ACSL1: variants seen among roughly 807,000 people sequenced by gnomAD.
The protein encoded by ACSL1 is acyl-CoA synthetase long chain family member 1, also known as long-chain-fatty-acid--CoA ligase 1.
A neutral mutation model predicts 98.4 loss-of-function variants in ACSL1; 41 were observed. The observed-to-expected ratio is 0.42, with a 90% CI of 0.32 to 0.54. The LOEUF is 0.54. Among genes scored for constraint, ACSL1 ranks in the 20% least tolerant of loss-of-function variants. ACSL1 has a pLI of 0.13. For missense variants in ACSL1, 734 were observed against 883.1 expected (o/e 0.83, Z 2.14); for synonymous variants, 316 against 322.7 (o/e 0.98, Z 0.22).
chr4:184,801,644 G>A (rs1279077642), intron 2 of ACSL1, among the ~76,000 whole-genome samples: 2 of 152,144 alleles, frequency 1.3e-5, no homozygotes, highest in Non-Finnish European at 2.9e-5. Flanking sequence ...AAAAGGCAAA[G>A]CAAGCTCAGT....
chr4:184,797,784 G>C (rs1769703436), intron 2 of ACSL1, among the ~76,000 whole-genome samples: 1 of 152,218 alleles, frequency 6.6e-6, no homozygotes, highest in South Asian at 2.1e-4. Context: ...TGCTGGCCTG[G>C]AGCTCCCTGA....
Position 184,757,243 on chromosome 4 carries a change from G to C in ACSL1, c.1979C>G (p.Pro660Arg). 6.2e-7 allele frequency: 1 copy of C among 1,603,928 alleles called. No homozygotes were observed. Among genetic ancestry groups the C allele is most frequent in the Non-Finnish European group, 8.5e-7 (1 of 1,171,856 alleles). ...FEQVKGITLHPELFSIDNGLL... is the reference protein window; with the variant it reads ...FEQVKGITLHRELFSIDNGLL... ...GCCATTGTCGATAGAAAATAATTCA[G>C]GGTGCAATGTGATGCCTTTGACCTG... The change falls in exon 21 of 21, where the codon CCT (proline) becomes CGT (arginine). Residue 660 changes from proline (P) to arginine (R), a missense_variant. Physicochemically the swap from Pro to Arg is moderately radical, Grantham distance 103. Transcript: ENST00000281455. This position sits in a 1 kb window ranked among gnomAD's most constrained non-coding sequence, Gnocchi z 4.5.
chr4:184,824,837 A>T (rs1287563621), intron 1 of ACSL1, among the ~76,000 whole-genome samples: 3 of 148,864 alleles, frequency 2.0e-5, no homozygotes, highest in Non-Finnish European at 4.4e-5. Context: ...AAAGAAAAAA[A>T]AGAAAGAAAC....
Position 184,766,007 on chromosome 4 carries a change from G to A in ACSL1, c.1264-21C>T, listed in dbSNP as rs1465849424. 6.2e-7 allele frequency: 1 copy of A among 1,612,250 alleles called. No homozygotes were observed. Among genetic ancestry groups the A allele is most frequent in the Non-Finnish European group, 8.5e-7 (1 of 1,179,044 alleles). On this transcript the variant is annotated intron_variant, in intron 13 of 20. Transcript: ENST00000281455. This position sits in a 1 kb window ranked among gnomAD's most constrained non-coding sequence, Gnocchi z 4.8. ...CTCGACTTTCAGGGAGGGAGAGTGGGAGAAGGTGAGGGTTACACACCTGGA... is the reference window on the plus strand; with the variant it reads ...CTCGACTTTCAGGGAGGGAGAGTGGAAGAAGGTGAGGGTTACACACCTGGA...
Position 184,774,717 on chromosome 4 carries a change from C to T in ACSL1, c.757-842G>A, listed in dbSNP as rs904178309. Reference sequence around the variant, plus strand: ...TATGGAATGAACATGCCATTGAACACGCCATTGAACATGTTCAATTCACGT... The same window carrying T: ...TATGGAATGAACATGCCATTGAACATGCCATTGAACATGTTCAATTCACGT... On this transcript the variant is annotated intron_variant, in intron 7 of 20. Transcript: ENST00000281455. 3.3e-5 allele frequency among the ~76,000 whole-genome samples: 5 copies of T among 152,106 alleles called. 1 individual carries two copies. In the South Asian group the frequency reaches 6.2e-4, roughly 19 times the overall value.
chr4:184,802,366 G>T (rs188979864), intron 2 of ACSL1, among the ~76,000 whole-genome samples: 8 of 152,202 alleles, frequency 5.3e-5, no homozygotes, highest in African/African-American at 1.2e-4. Context: ...GTCAGCCCGG[G>T]GGGGTGGGGG....
intron 15 of ACSL1, among the ~76,000 whole-genome samples, chr4:184,764,557 C>T (rs1328932240): frequency 6.6e-6 from 1 of 152,166 alleles, no homozygotes; most frequent in Non-Finnish European, 1.5e-5. Flanking sequence ...TTGGGCCAGA[C>T]ACTCTCAATC....
chr4:184,758,036 T>C (rs1762348362), intron 18 of ACSL1, 116 bp from the exon 19 acceptor site: 2 of 1,009,966 alleles, frequency 2.0e-6, no homozygotes, highest in Non-Finnish European at 3.0e-6. Flanking sequence ...TTATGGCTCA[T>C]CTATTCAGAA....
chr4:184,808,594 C>T (rs1398823498), intron 1 of ACSL1: 2 of 771,608 alleles, frequency 2.6e-6, no homozygotes, highest in Non-Finnish European at 3.2e-6. Context: ...TGAAAGCGCC[C>T]CCTTTGTCAT....
intron 2 of ACSL1, among the ~76,000 whole-genome samples, chr4:184,790,725 T>C (rs530058824): frequency 6.6e-6 from 1 of 152,378 alleles, no homozygotes; most frequent in Non-Finnish European, 1.5e-5. Flanking sequence ...CTTCCAGGGT[T>C]ATTTTTTGTT....
intron 2 of ACSL1, among the ~76,000 whole-genome samples, chr4:184,800,475 T>TA: frequency 6.6e-6 from 1 of 152,194 alleles, no homozygotes; most frequent in Admixed American, 6.5e-5. Flanking sequence ...GAGAAGAGGC[T>TA]AAAACATGTA....
chr4:184,807,919 G>A (rs929059362), intron 1 of ACSL1, among the ~76,000 whole-genome samples: 1 of 152,116 alleles, frequency 6.6e-6, no homozygotes, highest in African/African-American at 2.4e-5. Context: ...TCTCCCCTGA[G>A]AACACACATA....
intron 5 of ACSL1, 68 bp downstream of exon 5, chr4:184,780,264 G>A (rs1289059480): frequency 2.3e-5 from 30 of 1,320,470 alleles, no homozygotes; most frequent in Non-Finnish European, 3.2e-5. Flanking sequence ...CTGGTCTCTA[G>A]CAGAAGTTAG....
At position 184,758,251 on chromosome 4, in the gene ACSL1, A is replaced by G. The variant is rs529299335; in HGVS notation, c.1783-331T>C. ...AAGTAAACAAGGTGATGGATATCAG[A>G]TAACTGCTTTTAAAAAAAAAAGGAA... On this transcript the variant is annotated intron_variant, in intron 18 of 20. Coordinates refer to ENST00000281455, the MANE Select transcript of ACSL1 (RefSeq NM_001995.5). The G allele has an allele frequency of 4.5e-5, 11 of 243,098 alleles. No individual in the cohort carries two copies. In the Admixed American group the frequency reaches 5.6e-4, roughly 12 times the overall value. The allele number at this position is 243,098 out of a possible 1,614,324, so 15.1% of individuals were successfully genotyped here.
chr4:184,811,254 A>G (rs112536602), intron 1 of ACSL1, among the ~76,000 whole-genome samples: 4,476 of 150,584 alleles, frequency 0.03, 205 homozygotes, highest in African/African-American at 0.1. Flanking sequence ...AACTTCAGGC[A>G]CCCGCCACCA....
At chr4:184,758,225 C>A in intron 18 of ACSL1, 8 of 276,560 alleles carry the variant, frequency 2.9e-5, no homozygotes, top group Admixed American at 9.7e-5. Flanking sequence ...AAAGCAGGGT[C>A]AAGTAAACAA....
chr4:184,811,950 G>C (rs1772157261), intron 1 of ACSL1, among the ~76,000 whole-genome samples: 1 of 152,130 alleles, frequency 6.6e-6, no homozygotes, highest in South Asian at 2.1e-4. Context: ...ACTGGGAGGA[G>C]GAGACAGGAG....
chr4:184,773,535 C>T lies in ACSL1; in HGVS notation c.841+128G>A. ...CTTACAGAGCAACAAGAAGACAGCA[C>T]TTGAACCGCTTCCTTCTCTTCTGCT... On this transcript the variant is annotated intron_variant, in intron 9 of 20. Transcript: ENST00000281455. The surrounding 1 kb of genome is among the most constrained non-coding windows in gnomAD (Gnocchi z 4.3). The T allele has an allele frequency of 1.2e-6, 1 of 864,588 alleles. No individual in the cohort carries two copies. The highest frequency in any genetic ancestry group is 2.7e-5 in the East Asian group (1 of 37,614). 53.6% of individuals were successfully genotyped at this position (864,588 alleles called of 1,614,324 possible).
At chr4:184,801,786 T>G (rs1770568459) in intron 2 of ACSL1, among the ~76,000 whole-genome samples, 1 of 152,226 alleles carries the variant, frequency 6.6e-6, no homozygotes, top group African/African-American at 2.4e-5. Context: ...ATCTCAAGTT[T>G]TAAACTGTTC....
Sources: gnomAD v4.1 joint callset for allele counts (sites outside exome capture counted in the v4.1 genomes callset) on GRCh38, gnomAD v4.1.1 for gene constraint, Gnocchi (gnomAD v3.1) non-coding constraint, MANE v1.5 for transcripts, NCBI Gene and HGNC (gene_info 2026-07-23, HGNC 2026-07-21) for gene names.